SCN11A: variants seen among roughly 807,000 people sequenced by gnomAD.
The protein encoded by SCN11A is sodium channel protein type 11 subunit alpha.
Under a neutral mutation model 162.2 loss-of-function variants are expected in SCN11A, and 122 were observed. The observed-to-expected ratio is 0.75, with a 90% CI of 0.65 to 0.87. The LOEUF is 0.87. Ranked by LOEUF, SCN11A falls within the 40% of genes least tolerant of loss-of-function variation. The pLI is 0.00. For missense variants in SCN11A, 2,015 were observed against 2,181.6 expected (o/e 0.92, Z 1.52); for synonymous variants, 758 against 751.5 (o/e 1.01, Z -0.14).
intron 2 of SCN11A, among the ~76,000 whole-genome samples, chr3:38,977,712 C>T (rs1282906799): frequency 2.0e-5 from 3 of 152,166 alleles, no homozygotes; most frequent in Non-Finnish European, 4.4e-5. Context: ...CAACAACATG[C>T]CTTGGAGCTT....
intron 28 of SCN11A, among the ~76,000 whole-genome samples, chr3:38,858,254 A>T (rs2064904899): frequency 6.6e-6 from 1 of 152,114 alleles, no homozygotes; most frequent in Admixed American, 6.6e-5. Context: ...CAAACCAAGC[A>T]TCTACTGTCT....
At chr3:38,881,856 A>G (rs1208021448) in intron 22 of SCN11A, among the ~76,000 whole-genome samples, 1 of 152,146 alleles carries the variant, frequency 6.6e-6, no homozygotes, top group African/African-American at 2.4e-5. Context: ...AAGGCAGATA[A>G]GAACTGGAGT....
At chr3:38,938,825 A>G (rs1277582546) in intron 7 of SCN11A, among the ~76,000 whole-genome samples, 3 of 151,128 alleles carry the variant, frequency 2.0e-5, no homozygotes, top group Non-Finnish European at 4.4e-5. Flanking sequence ...CGGCCTCCCA[A>G]AGCGCTGGGA....
chr3:38,905,449 C>T (rs1315960171), intron 14 of SCN11A, 128 bp from the exon 15 acceptor site: 4 of 985,644 alleles, frequency 4.1e-6, no homozygotes, highest in East Asian at 2.7e-5. Flanking sequence ...CTACTCACCT[C>T]GTCTTTACAG....
chr3:38,972,726 T>C (rs1441914482), intron 2 of SCN11A, among the ~76,000 whole-genome samples: 2 of 152,144 alleles, frequency 1.3e-5, no homozygotes, highest in African/African-American at 4.8e-5. Flanking sequence ...AAGACACAGT[T>C]TCTGCCTTCA....
intron 2 of SCN11A, among the ~76,000 whole-genome samples, chr3:38,990,732 A>G (rs1044462393): frequency 6.6e-6 from 1 of 152,144 alleles, no homozygotes; most frequent in South Asian, 2.1e-4. Context: ...TCTGCTTCCA[A>G]TCCCCTTTTC....
chr3:38,988,347 G>C (rs1040405466), intron 2 of SCN11A, among the ~76,000 whole-genome samples: 1 of 151,998 alleles, frequency 6.6e-6, no homozygotes, highest in Non-Finnish European at 1.5e-5. Context: ...TCTGAGCCTA[G>C]GCAATTCCAT....
chr3:38,951,447 C>G (rs867154173), intron 4 of SCN11A, among the ~76,000 whole-genome samples: 1 of 152,262 alleles, frequency 6.6e-6, no homozygotes, highest in Admixed American at 6.5e-5. Flanking sequence ...CCTCCATGGG[C>G]TCCTGTGCGG....
chr3:38,968,854 A>G (rs193271345), intron 2 of SCN11A, among the ~76,000 whole-genome samples: 2 of 152,346 alleles, frequency 1.3e-5, no homozygotes, highest in African/African-American at 4.8e-5. Flanking sequence ...ATGTATTTAA[A>G]TGATCAGGAG....
chr3:38,864,180 C>G (rs930050672), intron 27 of SCN11A, among the ~76,000 whole-genome samples: 1 of 152,080 alleles, frequency 6.6e-6, no homozygotes, highest in Non-Finnish European at 1.5e-5. Context: ...GGAAGACAAC[C>G]AGAAAATTGT....
At position 38,950,183 on chromosome 3, in the gene SCN11A, C is replaced by T. The variant is rs149547996; in HGVS notation, c.180G>A (p.Arg60=). The change falls in exon 5 of 30, where the codon AGG becomes AGA. Residue 60 remains arginine, a synonymous_variant. Transcript: ENST00000302328. ...TGTCGCCATAGAGCTTGGGCAACTT[C>T]CTGGAGGCCTTTAGGTCAAGCTGAG... is the stretch of plus-strand genomic sequence containing the variant. The part of the protein sequence containing the change: ...PRPQLDLKAS[R]KLPKLYGDIP... The T allele has an allele frequency of 1.9e-6, 3 of 1,613,326 alleles. No homozygotes were observed. The highest frequency in any genetic ancestry group is 2.2e-5 in the East Asian group (1 of 44,802).
chr3:38,920,035 A>T (rs962946505), intron 10 of SCN11A, 34 bp from the exon 11 acceptor site: 9 of 1,499,602 alleles, frequency 6.0e-6, no homozygotes, highest in South Asian at 2.3e-5. Flanking sequence ...TTCAGATTTT[A>T]AAAAAAACAT....
intron 1 of SCN11A, among the ~76,000 whole-genome samples, chr3:39,049,979 A>G (rs570088961): frequency 2.6e-5 from 4 of 152,222 alleles, no homozygotes; most frequent in Non-Finnish European, 5.9e-5. Flanking sequence ...CAGGACTACA[A>G]CATATCAATT....
intron 3 of SCN11A, among the ~76,000 whole-genome samples, chr3:38,956,331 T>C (rs1366338198): frequency 6.6e-6 from 1 of 152,040 alleles, no homozygotes; most frequent in Admixed American, 6.6e-5. Context: ...ATTTAAACTA[T>C]AAAGAAAATT....
At position 38,950,321 on chromosome 3, in the gene SCN11A, C is replaced by T. The variant is rs371232966; in HGVS notation, c.42G>A (p.Arg14=). 6 of 1,613,884 alleles carry T rather than the reference C, an allele frequency of 3.7e-6. No individual in the cohort carries two copies. In the African/African-American group the frequency reaches 6.7e-5, roughly 18 times the overall value. The change falls in exon 5 of 30, where the codon CGG becomes CGA. Residue 14 remains arginine, a synonymous_variant. Coordinates refer to ENST00000302328, the MANE Select transcript of SCN11A (RefSeq NM_001349253.2). The part of the protein sequence containing the change: ...RCYPVIFPDE[R]NFRPFTSDSL... ...AGTCGGAAGTGAAGGGGCGGAAATT[C>T]CGCTCATCTGGAAAGATTACTGGGT...
rs1064793259 is a variant in SCN11A, at chr3:38,921,185, GA to G, written c.782del (p.Phe261SerfsTer10). On this transcript the variant is annotated frameshift_variant, in exon 10 of 30. Coordinates refer to ENST00000302328, the MANE Select transcript of SCN11A (RefSeq NM_001349253.2). LOFTEE classifies it high-confidence loss of function. ...KKLVNVIILT[F>X]FCLSIFALVG... ...CCAGGGCAAAGATGCTGAGGCAAAA[GA>G]AGGTGAGGATAATCACGTTGACCAG... 10 of 1,614,130 alleles carry G rather than the reference GA, an allele frequency of 6.2e-6. No homozygotes were observed. The highest frequency in any genetic ancestry group is 8.5e-6 in the Non-Finnish European group (10 of 1,179,960).
intron 1 of SCN11A, among the ~76,000 whole-genome samples, chr3:39,042,129 C>G (rs980168094): frequency 1.3e-5 from 2 of 151,908 alleles, no homozygotes; most frequent in Non-Finnish European, 2.9e-5. Flanking sequence ...ATTATCTGGG[C>G]GTGGTGGTAG....
At chr3:39,021,249 C>G (rs1016644953) in intron 2 of SCN11A, among the ~76,000 whole-genome samples, 1 of 151,866 alleles carries the variant, frequency 6.6e-6, no homozygotes, top group Non-Finnish European at 1.5e-5. Context: ...GTTAGTTGGC[C>G]ATTTCTGATT....
intron 2 of SCN11A, among the ~76,000 whole-genome samples, chr3:39,010,311 T>C (rs941828315): frequency 1.3e-5 from 2 of 152,024 alleles, no homozygotes; most frequent in African/African-American, 4.8e-5. Context: ...TCTAATTATG[T>C]ATAATTTTGT....
Sources: allele counts gnomAD v4.1 joint callset (sites outside exome capture counted in the v4.1 genomes callset), GRCh38; gene constraint gnomAD v4.1.1; transcripts MANE v1.5; gene names NCBI Gene and HGNC (gene_info 2026-07-23, HGNC 2026-07-21).